INPP5F: variants seen among roughly 807,000 people sequenced by gnomAD.
INPP5F encodes the protein phosphatidylinositide 4-phosphatase SAC2.
INPP5F carries 97 observed loss-of-function variants against 137.2 expected under a neutral mutation model. That is an observed-to-expected ratio of 0.71 (90% confidence interval 0.60 to 0.84). The LOEUF (loss-of-function observed/expected upper bound fraction) is 0.84. Ranked by LOEUF, INPP5F falls within the 40% of genes least tolerant of loss-of-function variation. The pLI, the probability that INPP5F is intolerant of heterozygous loss-of-function variation, is 0.00. For missense variants in INPP5F, 1,271 were observed against 1,371.9 expected, an observed-to-expected ratio of 0.93 and a Z score of 1.16; for synonymous variants, 504 against 476.9, an observed-to-expected ratio of 1.06 and a Z score of -0.74.
chr10:119,807,886 G>T (rs1487690212), intron 12 of INPP5F, 46 bp from the exon 13 acceptor site: 14 of 1,524,134 alleles, frequency 9.2e-6, no homozygotes, highest in Middle Eastern at 1.8e-4. Flanking sequence ...TTTTGCTATG[G>T]TTTCCTGGCC....
intron 2 of INPP5F, among the ~76,000 whole-genome samples, chr10:119,769,737 A>T (rs567423186): frequency 6.6e-6 from 1 of 152,220 alleles, no homozygotes; most frequent in African/African-American, 2.4e-5. Flanking sequence ...TTGGGGCTTA[A>T]ACCATCAGCC....
At chr10:119,759,543 A>G (rs905842711) in intron 2 of INPP5F, among the ~76,000 whole-genome samples, 5 of 151,860 alleles carry the variant, frequency 3.3e-5, no homozygotes, top group African/African-American at 4.8e-5. Flanking sequence ...TTTAGTAGAG[A>G]CAGGGTTTCA....
intron 6 of INPP5F, among the ~76,000 whole-genome samples, 198 bp downstream of exon 6, chr10:119,792,411 T>A (rs1371204301): frequency 6.6e-6 from 1 of 152,206 alleles, no homozygotes; most frequent in Non-Finnish European, 1.5e-5. Context: ...GTTTACAATT[T>A]CACTGCCTCG....
At chr10:119,771,919 G>T (rs1849377682) in intron 2 of INPP5F, among the ~76,000 whole-genome samples, 2 of 76,658 alleles carry the variant, frequency 2.6e-5, no homozygotes, top group Non-Finnish European at 4.7e-5. Flanking sequence ...TTTTTGAGAT[G>T]GAGTCTCACT....
intron 1 of INPP5F, among the ~76,000 whole-genome samples, chr10:119,742,946 C>T (rs975069147): frequency 6.6e-6 from 1 of 152,052 alleles, no homozygotes; most frequent in South Asian, 2.1e-4. Context: ...GAGCCGAGAT[C>T]GCGCCATTGC....
At chr10:119,800,604 A>T (rs1315964604) in intron 9 of INPP5F, among the ~76,000 whole-genome samples, 1 of 151,910 alleles carries the variant, frequency 6.6e-6, no homozygotes, top group East Asian at 1.9e-4. Context: ...ATTCAAAAGG[A>T]TGTACAACCC....
intron 15 of INPP5F, among the ~76,000 whole-genome samples, chr10:119,818,331 C>T (rs1470117471): frequency 6.6e-6 from 1 of 152,256 alleles, no homozygotes; most frequent in Non-Finnish European, 1.5e-5. Flanking sequence ...CAACTTGCTT[C>T]GACTTGCTTC....
Position 119,805,413 on chromosome 10 carries a change from C to A in INPP5F, c.1271C>A (p.Thr424Lys), listed in dbSNP as rs141716473. ...GGAATGAAGTTTGAGAATGTTCAGA[C>A]ACTAACAGATGCCATTTATGACATT... ...CRGMKFENVQ[T>K]LTDAIYDIIL... Residue 424 changes from threonine (T) to lysine (K), a missense_variant, in exon 11 of 20, where the codon ACA becomes AAA. Thr to Lys is a moderately conservative substitution (Grantham distance 78, BLOSUM62 -1). Around this residue, in one of 6 missense-constraint regions of INPP5F, gnomAD observed 593 missense variants for 712.4 expected, o/e 0.83. Transcript: ENST00000650623. 6.3e-5 allele frequency: 102 copies of A among 1,613,182 alleles called. 1 individual carries two copies. The African/African-American group carries it at 1.1e-3, about 17-fold the overall frequency.
Position 119,748,715 on chromosome 10 carries a change from T to C in INPP5F, c.98-2361T>C, listed in dbSNP as rs931458987. 1.3e-5 allele frequency among the ~76,000 whole-genome samples: 2 copies of C among 152,088 alleles called. No homozygotes were observed. The highest frequency in any genetic ancestry group is 4.8e-5 in the African/African-American group (2 of 41,396). On this transcript the variant is annotated intron_variant, in intron 1 of 19. Coordinates refer to ENST00000650623, the MANE Select transcript of INPP5F (RefSeq NM_014937.4). The surrounding 1 kb of genome is among the most constrained non-coding windows in gnomAD (Gnocchi z 4.7). ...TTTAATGGGCTCAGAATGGAGGAAG[T>C]GTGTGCTGATTGGTCCATGGGAGGC...
chr10:119,824,321 CTG>C (rs968155333), intron 19 of INPP5F, among the ~76,000 whole-genome samples: 2 of 152,200 alleles, frequency 1.3e-5, no homozygotes, highest in Admixed American at 1.3e-4. Flanking sequence ...TTAGTTGTCT[CTG>C]TAGTTTAATG....
At chr10:119,780,266 TGC>T (rs1849658943) in intron 2 of INPP5F, among the ~76,000 whole-genome samples, 43 of 151,820 alleles carry the variant, frequency 2.8e-4, no homozygotes, top group Admixed American at 2.7e-3. Context: ...TATTCTTTTA[TGC>T]TTTGATTTAA....
chr10:119,755,747 C>G (rs558324552), intron 2 of INPP5F, among the ~76,000 whole-genome samples: 2 of 152,274 alleles, frequency 1.3e-5, no homozygotes, highest in South Asian at 4.2e-4. Flanking sequence ...ACAATTGCCT[C>G]GAATCAGGTG....
intron 1 of INPP5F, among the ~76,000 whole-genome samples, chr10:119,750,773 C>G (rs1848668907): frequency 6.6e-6 from 1 of 152,172 alleles, no homozygotes; most frequent in Non-Finnish European, 1.5e-5. Flanking sequence ...CGTTTGTCCT[C>G]TTGTAGTGTA....
At chr10:119,793,654 ATTTGTTTTT>A (rs1327492452) in intron 6 of INPP5F, 1 of 152,130 alleles carries the variant, frequency 6.6e-6, no homozygotes, top group Non-Finnish European at 1.5e-5. Context: ...TATTTTATTT[ATTTGTTTTT>A]TTTGACACAG....
chr10:119,793,992 C>T (rs966777102), intron 6 of INPP5F, among the ~76,000 whole-genome samples: 1 of 152,164 alleles, frequency 6.6e-6, no homozygotes, highest in Non-Finnish European at 1.5e-5. Flanking sequence ...TGTTGGATGA[C>T]ATTTTATTTT....
chr10:119,791,722 A>T, intron 4 of INPP5F, 77 bp downstream of exon 4: 1 of 1,422,514 alleles, frequency 7.0e-7, no homozygotes, highest in Admixed American at 2.0e-5. Flanking sequence ...CCACTCAGAA[A>T]ATTTATTTTT....
At chr10:119,801,035 ATCTG>A (rs1044359541) in intron 9 of INPP5F, among the ~76,000 whole-genome samples, 7 of 152,126 alleles carry the variant, frequency 4.6e-5, no homozygotes, top group African/African-American at 1.4e-4. Context: ...AAATTTTTAA[ATCTG>A]TCTGAGAGAA....
chr10:119,791,169 A>G (rs1850129182), intron 3 of INPP5F, among the ~76,000 whole-genome samples: 1 of 152,206 alleles, frequency 6.6e-6, no homozygotes, highest in Admixed American at 6.5e-5. Flanking sequence ...TGCATTTTGC[A>G]ATTTTTAAAT....
intron 19 of INPP5F, 143 bp from the exon 20 acceptor site, chr10:119,826,488 C>CT: frequency 1.5e-6 from 1 of 666,258 alleles, no homozygotes; most frequent in South Asian, 2.0e-5. Flanking sequence ...AATGTCAACT[C>CT]TGAGGGTTAT....
Sources: allele counts gnomAD v4.1 joint callset (sites outside exome capture counted in the v4.1 genomes callset), GRCh38; gene constraint gnomAD v4.1.1; regional missense constraint gnomAD v4.1.1; non-coding constraint Gnocchi (gnomAD v3.1); transcripts MANE v1.5; gene names NCBI Gene and HGNC (gene_info 2026-07-23, HGNC 2026-07-21).